ASMTL: variants seen among roughly 807,000 people sequenced by gnomAD.
The protein encoded by ASMTL is acetylserotonin O-methyltransferase like.
In ASMTL, 57 loss-of-function variants were observed where a neutral mutation model predicts 60.3. That is an observed-to-expected ratio of 0.95 (90% CI 0.76 to 1.18). The LOEUF is 1.18. Ranked by LOEUF, ASMTL falls within the 50% of genes most tolerant of loss-of-function variation. The pLI, the probability that ASMTL is intolerant of heterozygous loss-of-function variation, is 0.00. For missense variants in ASMTL, 981 were observed against 852.6 expected, an observed-to-expected ratio of 1.15 and a Z score of -1.88; for synonymous variants, 419 against 373.0, an observed-to-expected ratio of 1.12 and a Z score of -1.42.
intron 2 of ASMTL, among the ~76,000 whole-genome samples, chrX:1,440,149 C>T (rs181753670): frequency 0.062 from 9,377 of 150,996 alleles, 923 homozygotes; most frequent in African/African-American, 0.21. Flanking sequence ...GGCAGTGGCG[C>T]GACCTCGGCT....
chrX:1,414,933 T>A (rs757786973), intron 11 of ASMTL, among the ~76,000 whole-genome samples: 1 of 22,772 alleles, frequency 4.4e-5, no homozygotes, highest in South Asian at 2.6e-3. Context: ...GTCAGCTGTC[T>A]CTTTTTTTAT....
chrX:1,425,489 A>G (rs1360298241), intron 8 of ASMTL, 36 bp downstream of exon 8: 19 of 1,596,836 alleles, frequency 1.2e-5, no homozygotes, highest in Middle Eastern at 2.2e-4. Context: ...TCCACCTGCA[A>G]AGATCCTCAG....
In ASMTL at chrX:1,427,818, C is replaced by G; in HGVS notation, c.813G>C (p.Glu271Asp). 5 of 1,612,742 alleles carry G rather than the reference C, an allele frequency of 3.1e-6. No individual in the cohort carries two copies. In the Admixed American group the frequency reaches 6.7e-5, roughly 21 times the overall value. ...TCTCCCGAGTCCTGTGACACTCAGC[C>G]TCTGCCGTGGCCTGTCCCGCCTCTC... ...EAGEAGQATA[E>D]AECHRTRETL... Residue 271 changes from glutamate (E) to aspartate (D), a missense_variant, in exon 7 of 13, where the codon GAG (glutamate) becomes GAC (aspartate). Glu to Asp is a conservative substitution (Grantham distance 45). Coordinates refer to ENST00000381317, the MANE Select transcript of ASMTL (RefSeq NM_004192.4).
In ASMTL at chrX:1,412,403, T is replaced by C. The variant is rs1274351646; in HGVS notation, c.1645+329A>G. On this transcript the variant is annotated intron_variant, in intron 12 of 12. Coordinates refer to ENST00000381317, the MANE Select transcript of ASMTL (RefSeq NM_004192.4). ...CTACCACACCTGGCTAATTTTTGTA[T>C]TTTTAGTAGAGACGGGGTTTCACCA... Among the ~76,000 whole-genome samples the C allele has an allele frequency of 2.6e-5, 4 of 152,002 alleles. No individual in the cohort carries two copies. In the South Asian group the frequency reaches 8.3e-4, roughly 32 times the overall value.
chrX:1,420,012 T>C (rs1290431394), intron 9 of ASMTL, among the ~76,000 whole-genome samples: 2 of 133,672 alleles, frequency 1.5e-5, no homozygotes, highest in Non-Finnish European at 3.3e-5. Flanking sequence ...CTCCTGTCTC[T>C]GTTTCTTTCT....
chrX:1,406,146 G>A (rs1290706432), intron 12 of ASMTL, among the ~76,000 whole-genome samples: 2 of 148,990 alleles, frequency 1.3e-5, no homozygotes, highest in Non-Finnish European at 3.0e-5. Flanking sequence ...ATGCATGGAT[G>A]AGATGGATGG....
At chrX:1,450,102 C>T (rs1290885765) in intron 1 of ASMTL, among the ~76,000 whole-genome samples, 3 of 151,440 alleles carry the variant, frequency 2.0e-5, no homozygotes, top group Non-Finnish European at 4.4e-5. Context: ...ACTATCCCAT[C>T]ACCAGTAACT....
At position 1,419,254 on chromosome X, in the gene ASMTL, A is replaced by G. The variant is rs775110335; in HGVS notation, c.1246-140T>C. ...GCGCCTGGGCTGCAGAGCGGGCTTC[A>G]TGCCACAGCTGTGTGGGCTACTCTT... On this transcript the variant is annotated intron_variant, in intron 9 of 12. Transcript: ENST00000381317. 5.0e-5 allele frequency: 47 copies of G among 936,358 alleles called. No homozygotes were observed. The East Asian group carries it at 6.6e-4, about 13-fold the overall frequency. 58.0% of individuals were successfully genotyped at this position (936,358 alleles called of 1,614,324 possible). A position where few individuals can be genotyped will look rare whatever the true frequency, so the allele number is the denominator to read the frequency against.
intron 2 of ASMTL, among the ~76,000 whole-genome samples, chrX:1,441,380 A>C (rs1397405942): frequency 2.6e-5 from 4 of 152,040 alleles, no homozygotes; most frequent in African/African-American, 9.7e-5. Context: ...AGGTTCACGC[A>C]ATTCTCCTGC....
intron 12 of ASMTL, 76 bp downstream of exon 12, chrX:1,412,656 C>A: frequency 6.2e-7 from 1 of 1,603,712 alleles, no homozygotes; most frequent in Non-Finnish European, 8.5e-7. Context: ...AGCCACCGCG[C>A]CCGGCCTCCT....
intron 12 of ASMTL, among the ~76,000 whole-genome samples, chrX:1,405,287 G>GATGGATGT (rs780263115): frequency 0.015 from 2,074 of 141,184 alleles, 68 homozygotes; most frequent in African/African-American, 0.05. Flanking sequence ...TGGATGGATA[G>GATGGATGT]ATGGATGTGA....
Position 1,410,932 on chromosome X carries a change from T to G in ASMTL, c.1645+1800A>C, listed in dbSNP as rs1444586651. Among the ~76,000 whole-genome samples, 6 of 148,504 alleles carry G rather than the reference T, an allele frequency of 4.0e-5. No individual in the cohort carries two copies. In the East Asian group the frequency reaches 1.3e-3, roughly 33 times the overall value. The stretch of plus-strand genomic sequence containing the variant: ...CGGGCGAGGTGGCTCACGCCTGTAA[T>G]CCCAACACTTTGGGAGTCCCAGCTG... On this transcript the variant is annotated intron_variant, in intron 12 of 12. Coordinates refer to ENST00000381317, the MANE Select transcript of ASMTL (RefSeq NM_004192.4).
chrX:1,418,231 C>T (rs1379966249), intron 10 of ASMTL, 115 bp from the exon 11 acceptor site: 3 of 1,269,938 alleles, frequency 2.4e-6, no homozygotes, highest in South Asian at 1.5e-5. Flanking sequence ...GATTCCCATG[C>T]TGGAAGGGAA....
At chrX:1,442,493 C>T (rs1486324937) in intron 1 of ASMTL, 176 bp from the exon 2 acceptor site, 5 of 238,032 alleles carry the variant, frequency 2.1e-5, no homozygotes, top group Admixed American at 6.5e-5. Context: ...CGGGGACTGA[C>T]CAGGGCTTTC....
intron 2 of ASMTL, among the ~76,000 whole-genome samples, chrX:1,440,374 G>C (rs1460590470): frequency 6.6e-6 from 1 of 152,064 alleles, no homozygotes; most frequent in African/African-American, 2.4e-5. Context: ...ACAGGTGTGA[G>C]CCACTGCACC....
At position 1,452,694 on chromosome X, in the gene ASMTL, G is replaced by C; in HGVS notation, c.93+54C>G. 2.7e-6 allele frequency: 4 copies of C among 1,462,630 alleles called. No homozygotes were observed. In the South Asian group the frequency reaches 3.6e-5, roughly 13 times the overall value. 90.6% of individuals were successfully genotyped at this position (1,462,630 alleles called of 1,614,324 possible). On this transcript the variant is annotated intron_variant, in intron 1 of 12. Transcript: ENST00000381317. ...GAGTTCCTGAGTCGCTGGGCCCTCC[G>C]GGGTTCAGCCCCTCCGTCCCCGGTC...
chrX:1,447,039 T>G (rs1482237847), intron 1 of ASMTL, among the ~76,000 whole-genome samples: 1 of 152,224 alleles, frequency 6.6e-6, no homozygotes, highest in Non-Finnish European at 1.5e-5. Flanking sequence ...GAAACCCAAG[T>G]TCTGCTTTCT....
At chrX:1,441,641 G>A (rs1427109753) in intron 2 of ASMTL, 1 of 152,128 alleles carries the variant, frequency 6.6e-6, no homozygotes, top group African/African-American at 2.4e-5. Context: ...ATGATACTAT[G>A]AAATCAATTG....
Position 1,452,848 on chromosome X carries a change from ACGCCGGGAGCCGGGCGTCCG to A in ASMTL, c.-28_-9del. Reference sequence around the variant, plus strand: ...CACCGGGCACAGCACCATGGCGTCCACGCCGGGAGCCGGGCGTCCGCACTTCTGAGCCCGGAGCCCGCGGT... The same window carrying A: ...CACCGGGCACAGCACCATGGCGTCCACACTTCTGAGCCCGGAGCCCGCGGT... On this transcript the variant is annotated 5_prime_UTR_variant, in exon 1 of 13. Transcript: ENST00000381317. The A allele has an allele frequency of 2.6e-6, 4 of 1,563,912 alleles. No homozygotes were observed. Among genetic ancestry groups the A allele is most frequent in the Non-Finnish European group, 3.4e-6 (4 of 1,164,184 alleles).
Sources: allele counts gnomAD v4.1 joint callset (sites outside exome capture counted in the v4.1 genomes callset), GRCh38; gene constraint gnomAD v4.1.1; transcripts MANE v1.5; gene names NCBI Gene and HGNC (gene_info 2026-07-23, HGNC 2026-07-21).